BEND2: variants seen among roughly 807,000 people sequenced by gnomAD.
BEND2 encodes the protein BEN domain-containing protein 2.
Under a neutral mutation model 43.8 loss-of-function variants are expected in BEND2, and 19 were observed. The observed-to-expected ratio is 0.43, with a 90% CI of 0.30 to 0.64. The LOEUF is 0.64. Ranked by LOEUF, BEND2 falls within the 30% of genes least tolerant of loss-of-function variation. BEND2 has a pLI of 0.11. For synonymous variants in BEND2, 226 were observed against 210.1 expected, an observed-to-expected ratio of 1.08 and a Z score of -0.66; for missense variants, 544 against 574.0, an observed-to-expected ratio of 0.95 and a Z score of 0.53.
At chrX:18,169,443 C>A (rs149863511) in intron 13 of BEND2, among the ~76,000 whole-genome samples, 5 of 111,360 alleles carry the variant, frequency 4.5e-5, no homozygotes, top group Non-Finnish European at 7.5e-5. Flanking sequence ...ATTTTCCATA[C>A]ATTTCTGTAT....
At chrX:18,207,279 A>T in intron 4 of BEND2, among the ~76,000 whole-genome samples, 1 of 112,301 alleles carries the variant, frequency 8.9e-6, no homozygotes, top group Non-Finnish European at 1.9e-5. Flanking sequence ...ACGGTAAGAA[A>T]CATTTTTTTT....
intron 13 of BEND2, among the ~76,000 whole-genome samples, chrX:18,165,567 A>C (rs1443326782): frequency 1.8e-5 from 2 of 111,968 alleles, no homozygotes; most frequent in East Asian, 5.6e-4. Flanking sequence ...CATCAGCTCA[A>C]ATAGAGACAT....
intron 4 of BEND2, among the ~76,000 whole-genome samples, chrX:18,204,571 CAT>C (rs751088570): frequency 6.3e-5 from 7 of 111,848 alleles, no homozygotes; most frequent in African/African-American, 1.9e-4. Flanking sequence ...AGAAAAATAA[CAT>C]ATGTGAAAAT....
chrX:18,177,700 G>A lies in BEND2; in HGVS notation c.1499C>T (p.Ala500Val), dbSNP rs779411629. 6.6e-6 allele frequency: 8 copies of A among 1,210,414 alleles called. No homozygotes were observed. Among genetic ancestry groups the A allele is most frequent in the Non-Finnish European group, 8.9e-6 (8 of 894,758 alleles). ...KIHLLAVQNM[A>V]KPKQAACYLV... ...GTAGCAGGCTGCTTGCTTAGGTTTG[G>A]CCATATTTTGTACGGCCAGCAAATG... The change falls in exon 10 of 14, where the codon GCC becomes GTC. Residue 500 changes from alanine (A) to valine (V), a missense_variant. Coordinates refer to ENST00000380033, the MANE Select transcript of BEND2 (RefSeq NM_153346.5).
intron 10 of BEND2, among the ~76,000 whole-genome samples, chrX:18,177,004 A>T (rs1924184698): frequency 9.1e-6 from 1 of 110,462 alleles, no homozygotes; most frequent in Non-Finnish European, 1.9e-5. Context: ...CTGGACTGGG[A>T]TGTATCTGTT....
chrX:18,195,505 G>GA (rs1231353405), intron 6 of BEND2, 63 bp from the exon 7 acceptor site: 10 of 1,033,195 alleles, frequency 9.7e-6, no homozygotes, highest in East Asian at 3.1e-5. Flanking sequence ...TATCCTTCTG[G>GA]AAAAAAGGTA....
chrX:18,195,450 G>GA lies in BEND2; in HGVS notation c.1034-9dup, dbSNP rs200439415. 1.2e-4 allele frequency: 140 copies of GA among 1,154,110 alleles called. No homozygotes were observed. The highest frequency in any genetic ancestry group is 3.4e-4 in the Admixed American group (14 of 40,692). ...TAAGTATAATTTTCTCAGCTATTGG[G>GA]AAAAAAAAAGAATGCTCAATCATAA... On this transcript the variant is annotated splice_polypyrimidine_tract_variant and intron_variant, in intron 6 of 13. Transcript: ENST00000380033.
chrX:18,194,003 A>G (rs1226731789), intron 7 of BEND2, among the ~76,000 whole-genome samples: 2 of 112,129 alleles, frequency 1.8e-5, no homozygotes, highest in African/African-American at 6.5e-5. Context: ...ATGGAAAATT[A>G]AACGAATTTG....
intron 7 of BEND2, among the ~76,000 whole-genome samples, chrX:18,193,036 G>T (rs748481091): frequency 8.9e-6 from 1 of 112,051 alleles, no homozygotes; most frequent in African/African-American, 3.2e-5. Flanking sequence ...AACAGCCAAA[G>T]TTGGGTGCAG....
intron 1 of BEND2, among the ~76,000 whole-genome samples, chrX:18,219,632 G>T (rs12387051): frequency 8.9e-6 from 1 of 112,110 alleles, no homozygotes; most frequent in Non-Finnish European, 1.9e-5. Flanking sequence ...CTCACCCAGT[G>T]GGGTGGTTCA....
intron 13 of BEND2, among the ~76,000 whole-genome samples, chrX:18,167,830 G>C (rs766133579): frequency 8.9e-6 from 1 of 112,327 alleles, no homozygotes; most frequent in African/African-American, 3.2e-5. Flanking sequence ...CTCCCAAAAG[G>C]GCTGGGATTA....
chrX:18,213,529 G>A (rs1925574833), intron 3 of BEND2, among the ~76,000 whole-genome samples: 1 of 111,364 alleles, frequency 9.0e-6, no homozygotes, highest in South Asian at 3.8e-4. Flanking sequence ...ACCCAAAAGA[G>A]AGAAATCAAA....
At chrX:18,195,264 C>G in intron 7 of BEND2, 32 bp downstream of exon 7, 11 of 1,177,624 alleles carry the variant, frequency 9.3e-6, no homozygotes, top group Non-Finnish European at 1.3e-5. Context: ...AGATGAGAGG[C>G]CTGCTTGTGA....
chrX:18,190,764 T>TCA lies in BEND2; in HGVS notation c.1288+236_1288+237insTG, dbSNP rs778233998. Among the ~76,000 whole-genome samples the TCA allele has an allele frequency of 4.8e-3, 423 of 88,843 alleles. 7 individuals carry two copies. The highest frequency in any genetic ancestry group is 0.012 in the East Asian group (27 of 2,294). The allele number at this position is 88,843 out of a possible 115,157, so 77.1% of individuals were successfully genotyped here. On this transcript the variant is annotated intron_variant, in intron 8 of 13. Coordinates refer to ENST00000380033, the MANE Select transcript of BEND2 (RefSeq NM_153346.5). ...TACTCTCTCTCTCTCTCTCTCTCTC[T>TCA]CTCACACACACACACACACACACAC... is the stretch of plus-strand genomic sequence containing the variant.
intron 8 of BEND2, among the ~76,000 whole-genome samples, chrX:18,186,809 T>C (rs1375010625): frequency 9.3e-6 from 1 of 108,024 alleles, no homozygotes; most frequent in Non-Finnish European, 1.9e-5. Flanking sequence ...CTACAAAAAA[T>C]ACAAAAAGTT....
At position 18,163,954 on chromosome X, in the gene BEND2, T is replaced by C. The variant is rs1448314284; in HGVS notation, c.*1055A>G. ...TCTTAGTTGGATTAAATCTGAATAA[T>C]GGAAGTTAAAGCCTTTTTGCCCTTT... On this transcript the variant is annotated 3_prime_UTR_variant, in exon 14 of 14. Transcript: ENST00000380033. 1 of 112,087 alleles carries C rather than the reference T, an allele frequency of 8.9e-6. No homozygotes were observed. Among genetic ancestry groups the C allele is most frequent in the African/African-American group, 3.2e-5 (1 of 30,879 alleles). The allele number at this position is 112,087 out of a possible 1,213,427, so 9.2% of individuals were successfully genotyped here.
intron 4 of BEND2, among the ~76,000 whole-genome samples, chrX:18,210,081 A>T (rs761861573): frequency 2.5e-4 from 28 of 109,947 alleles, no homozygotes; most frequent in Non-Finnish European, 4.7e-4. Flanking sequence ...CCTACTAGAT[A>T]AGGAAAAGAA....
chrX:18,188,774 C>T (rs1040040733), intron 8 of BEND2, among the ~76,000 whole-genome samples: 2 of 111,744 alleles, frequency 1.8e-5, no homozygotes, highest in African/African-American at 3.3e-5. Context: ...ATTCATTATA[C>T]GAGGTCAGTA....
intron 1 of BEND2, among the ~76,000 whole-genome samples, chrX:18,218,584 C>T (rs1226170578): frequency 8.9e-6 from 1 of 112,663 alleles, no homozygotes; most frequent in African/African-American, 3.2e-5. Flanking sequence ...TGAAGATGGC[C>T]GGGCGTGGTG....
Sources: gnomAD v4.1 joint callset for allele counts (sites outside exome capture counted in the v4.1 genomes callset) on GRCh38, gnomAD v4.1.1 for gene constraint, MANE v1.5 for transcripts, NCBI Gene and HGNC (gene_info 2026-07-23, HGNC 2026-07-21) for gene names.